LSAMP: variants seen among roughly 807,000 people sequenced by gnomAD.
LSAMP encodes the protein limbic system-associated membrane protein.
A neutral mutation model predicts 38.6 loss-of-function variants in LSAMP; 7 were observed. The ratio of observed to expected loss-of-function variants is 0.18; its 90% CI spans 0.10 to 0.34. LSAMP has a LOEUF of 0.34. Ranked by LOEUF, LSAMP falls within the 10% of genes least tolerant of loss-of-function variation. The pLI is 1.00. For missense variants in LSAMP, 313 were observed against 420.0 expected (o/e 0.75, Z 2.23); for synonymous variants, 154 against 166.8 (o/e 0.92, Z 0.59).
Position 116,098,781 on chromosome 3 carries a change from G to A in LSAMP, c.156-12225C>T, listed in dbSNP as rs780973458. On this transcript the variant is annotated intron_variant, in intron 1 of 6. Coordinates refer to ENST00000490035, the MANE Select transcript of LSAMP (RefSeq NM_002338.5). ...TTTTTTTTCCTCCCTTTTGCTGGAG[G>A]CCTGTCTCTTTCTCTTGAACAGATC... is the stretch of plus-strand genomic sequence containing the variant. 1.2e-4 allele frequency among the ~76,000 whole-genome samples: 19 copies of A among 152,130 alleles called. 1 individual carries two copies. In the Middle Eastern group the frequency reaches 0.027, roughly 218 times the overall value.
At chr3:116,192,048 C>T (rs1710766474) in intron 1 of LSAMP, among the ~76,000 whole-genome samples, 1 of 152,160 alleles carries the variant, frequency 6.6e-6, no homozygotes, top group Non-Finnish European at 1.5e-5. Context: ...CAAACATAAC[C>T]TAACCTAATA....
At chr3:115,813,768 A>G (rs2107452340) in intron 6 of LSAMP, among the ~76,000 whole-genome samples, 1 of 152,322 alleles carries the variant, frequency 6.6e-6, no homozygotes, top group East Asian at 1.9e-4. Flanking sequence ...TCAGGGAAGA[A>G]TAATCAGCAA....
chr3:116,086,156 TG>T, intron 2 of LSAMP, among the ~76,000 whole-genome samples, 167 bp downstream of exon 2: 1 of 152,360 alleles, frequency 6.6e-6, no homozygotes, highest in Admixed American at 6.5e-5. Context: ...TATATTGTTT[TG>T]GGTCCTCTCA....
intron 3 of LSAMP, among the ~76,000 whole-genome samples, chr3:115,975,255 T>TA (rs376939433): frequency 1.9e-3 from 294 of 151,394 alleles, no homozygotes; most frequent in Non-Finnish European, 2.2e-3. Flanking sequence ...CCCCATCTCA[T>TA]AAAAAAAATA....
At chr3:116,118,655 G>C (rs757752549) in intron 1 of LSAMP, among the ~76,000 whole-genome samples, 4 of 152,068 alleles carry the variant, frequency 2.6e-5, no homozygotes, top group Non-Finnish European at 5.9e-5. Context: ...AGTTAGCTCC[G>C]TGAGACCAGA....
At chr3:116,332,942 T>A (rs986455789) in intron 1 of LSAMP, among the ~76,000 whole-genome samples, 1 of 151,946 alleles carries the variant, frequency 6.6e-6, no homozygotes, top group African/African-American at 2.4e-5. Flanking sequence ...TAGGAAGATA[T>A]AAAAATTATA....
intron 3 of LSAMP, among the ~76,000 whole-genome samples, chr3:115,875,868 A>G (rs2107412496): frequency 6.6e-6 from 1 of 152,282 alleles, no homozygotes; most frequent in Middle Eastern, 3.4e-3. Flanking sequence ...TGAGCTCTAT[A>G]CAACAATATT....
At chr3:116,133,974 T>A (rs967458414) in intron 1 of LSAMP, among the ~76,000 whole-genome samples, 2 of 152,108 alleles carry the variant, frequency 1.3e-5, no homozygotes, top group Non-Finnish European at 2.9e-5. Context: ...AACAAACTAT[T>A]TTTCCAGTCT....
chr3:116,151,173 G>A (rs1709601043), intron 1 of LSAMP, among the ~76,000 whole-genome samples: 2 of 151,968 alleles, frequency 1.3e-5, no homozygotes, highest in Admixed American at 6.6e-5. Context: ...TTCAGTCATT[G>A]GTATGAAGAA....
intron 3 of LSAMP, among the ~76,000 whole-genome samples, chr3:116,009,295 G>A (rs1289623759): frequency 6.6e-6 from 1 of 152,004 alleles, no homozygotes; most frequent in African/African-American, 2.4e-5. Flanking sequence ...CTGAGTGCTT[G>A]TCAGAAAAGC....
At chr3:116,254,916 T>C (rs987311878) in intron 1 of LSAMP, among the ~76,000 whole-genome samples, 11 of 152,206 alleles carry the variant, frequency 7.2e-5, no homozygotes, top group African/African-American at 2.4e-4. Flanking sequence ...TGATTTCTGA[T>C]AGAAAATTAA....
chr3:116,070,755 T>C (rs151145350), intron 2 of LSAMP, among the ~76,000 whole-genome samples: 6,235 of 152,138 alleles, frequency 0.041, 208 homozygotes, highest in Non-Finnish European at 0.058. Flanking sequence ...AAAAATAATG[T>C]ACCTGCCGGG....
intron 1 of LSAMP, among the ~76,000 whole-genome samples, chr3:116,179,600 A>G (rs1375138076): frequency 2.6e-5 from 4 of 152,140 alleles, no homozygotes; most frequent in Non-Finnish European, 5.9e-5. Context: ...GGAAGCAGGC[A>G]TGTCTTACAT....
chr3:116,173,799 A>ATTT (rs1710268851), intron 1 of LSAMP, among the ~76,000 whole-genome samples: 1 of 145,586 alleles, frequency 6.9e-6, no homozygotes. Flanking sequence ...TTTTTTTTTA[A>ATTT]CAATTGGGAA....
intron 1 of LSAMP, among the ~76,000 whole-genome samples, chr3:116,333,786 C>T (rs1204541326): frequency 1.3e-5 from 2 of 150,692 alleles, no homozygotes; most frequent in African/African-American, 2.4e-5. Context: ...ATTTATGCTA[C>T]GAACACTTAA....
intron 3 of LSAMP, among the ~76,000 whole-genome samples, chr3:116,009,411 T>C (rs1940260151): frequency 6.6e-6 from 1 of 152,184 alleles, no homozygotes; most frequent in Non-Finnish European, 1.5e-5. Flanking sequence ...TCCAATCGTC[T>C]TGGCAATCCC....
rs939240178 is a variant in LSAMP at position 116,248,875 on chromosome 3, C to T, written c.156-162319G>A. 9.9e-5 allele frequency among the ~76,000 whole-genome samples: 15 copies of T among 152,076 alleles called. 1 individual carries two copies. Among genetic ancestry groups the T allele is most frequent in the Middle Eastern group, 6.8e-3 (2 of 294 alleles). Reference sequence around the variant, plus strand: ...TTAAAATGGACTAAACTGCCAGGCGCGGTGGCTCACGCCTATAATCCCAGC... The same window carrying T: ...TTAAAATGGACTAAACTGCCAGGCGTGGTGGCTCACGCCTATAATCCCAGC... On this transcript the variant is annotated intron_variant, in intron 1 of 6. Coordinates refer to ENST00000490035, the MANE Select transcript of LSAMP (RefSeq NM_002338.5).
chr3:115,910,159 G>A (rs951360361), intron 3 of LSAMP, among the ~76,000 whole-genome samples: 124 of 152,198 alleles, frequency 8.1e-4, no homozygotes, highest in African/African-American at 2.8e-3. Context: ...TAAGCAAAGT[G>A]TTTAAAGTCC....
At chr3:115,815,329 G>C (rs1933982782) in intron 6 of LSAMP, among the ~76,000 whole-genome samples, 1 of 152,076 alleles carries the variant, frequency 6.6e-6, no homozygotes, top group Non-Finnish European at 1.5e-5. Flanking sequence ...GCAGTTTCAG[G>C]CATCCACTGG....
Sources: gnomAD v4.1 joint callset for allele counts (sites outside exome capture counted in the v4.1 genomes callset) on GRCh38, gnomAD v4.1.1 for gene constraint, MANE v1.5 for transcripts, NCBI Gene and HGNC (gene_info 2026-07-23, HGNC 2026-07-21) for gene names.